The following DPYS variants were observed in gnomAD, a reference collection of about 807,000 sequenced individuals.
DPYS encodes the protein dihydropyrimidine amidohydrolase.
A neutral mutation model predicts 50.3 loss-of-function variants in DPYS; 39 were observed. The observed-to-expected ratio is 0.78, with a 90% CI of 0.60 to 1.01. The LOEUF is 1.01. Ranked by LOEUF, DPYS falls within the 50% of genes least tolerant of loss-of-function variation. The probability of loss-of-function intolerance (pLI) is 0.00; values close to 1 mark genes in which losing one functional copy is unlikely to be tolerated. For synonymous variants in DPYS, 245 were observed against 250.7 expected (o/e 0.98, Z 0.22); for missense variants, 659 against 680.9 (o/e 0.97, Z 0.36).
intron 4 of DPYS, among the ~76,000 whole-genome samples, chr8:104,439,275 C>T (rs1250225926): frequency 2.0e-5 from 3 of 151,880 alleles, no homozygotes; most frequent in East Asian, 3.9e-4. Flanking sequence ...GAGGTCACCA[C>T]CAAAAACTAA....
chr8:104,382,767 T>G (rs111304067), intron 8 of DPYS, among the ~76,000 whole-genome samples: 365 of 152,254 alleles, frequency 2.4e-3, no homozygotes, highest in Non-Finnish European at 3.6e-3. Context: ...AGGGCTTGAC[T>G]TCTCTCTGCT....
chr8:104,447,620 C>T, intron 2 of DPYS, 117 bp from the exon 3 acceptor site: 1 of 1,248,790 alleles, frequency 8.0e-7, no homozygotes, highest in Non-Finnish European at 1.1e-6. Flanking sequence ...AAAATAAGGA[C>T]AATAGTTTAG....
At chr8:104,400,718 G>T (rs956527765) in intron 7 of DPYS, among the ~76,000 whole-genome samples, 3 of 152,202 alleles carry the variant, frequency 2.0e-5, no homozygotes, top group African/African-American at 2.4e-5. Context: ...TATGAAAGAG[G>T]CACATCTTGC....
intron 1 of DPYS, among the ~76,000 whole-genome samples, chr8:104,453,656 T>C (rs1336537578): frequency 2.6e-5 from 4 of 152,288 alleles, no homozygotes; most frequent in South Asian, 2.1e-4. Flanking sequence ...CAGTTAAAGA[T>C]AGAGTTACCA....
At chr8:104,429,199 C>A in intron 5 of DPYS, 1 of 282,054 alleles carries the variant, frequency 3.5e-6, no homozygotes, top group Non-Finnish European at 6.9e-6. Flanking sequence ...AACCTAGTTC[C>A]CATATTATAT....
At chr8:104,425,889 T>C (rs1049197425) in intron 6 of DPYS, among the ~76,000 whole-genome samples, 1 of 152,176 alleles carries the variant, frequency 6.6e-6, no homozygotes, top group African/African-American at 2.4e-5. Flanking sequence ...GAAAGTAATA[T>C]TCCCATAAGT....
intron 8 of DPYS, among the ~76,000 whole-genome samples, chr8:104,392,297 G>A (rs1188558548): frequency 1.3e-5 from 2 of 152,140 alleles, no homozygotes; most frequent in African/African-American, 4.8e-5. Context: ...ACTCCCTGAC[G>A]GCCTTTTTCA....
At chr8:104,445,136 G>A (rs2140709349) in intron 3 of DPYS, among the ~76,000 whole-genome samples, 1 of 152,308 alleles carries the variant, frequency 6.6e-6, no homozygotes, top group East Asian at 1.9e-4. Context: ...AGGATGTGGA[G>A]AAAAGGGAAC....
chr8:104,394,074 G>T (rs1811495784), intron 7 of DPYS, among the ~76,000 whole-genome samples: 1 of 152,156 alleles, frequency 6.6e-6, no homozygotes, highest in African/African-American at 2.4e-5. Context: ...TTCCATTCCT[G>T]AGTTACTTCA....
At chr8:104,444,090 C>T (rs1813446407) in intron 4 of DPYS, among the ~76,000 whole-genome samples, 158 bp downstream of exon 4, 1 of 152,052 alleles carries the variant, frequency 6.6e-6, no homozygotes. Context: ...AACAGACACA[C>T]ATAAGGATAA....
chr8:104,436,329 G>A (rs1013238946), intron 4 of DPYS, among the ~76,000 whole-genome samples: 10 of 152,260 alleles, frequency 6.6e-5, no homozygotes, highest in African/African-American at 1.9e-4. Context: ...TGAAAAATTG[G>A]CCAGGCACAG....
chr8:104,417,310 G>A (rs527992822), intron 7 of DPYS, among the ~76,000 whole-genome samples: 9 of 152,304 alleles, frequency 5.9e-5, no homozygotes, highest in Non-Finnish European at 1.0e-4. Flanking sequence ...GAATACCAAA[G>A]AACTGAAGCT....
At chr8:104,455,511 C>T (rs1027465269) in intron 1 of DPYS, among the ~76,000 whole-genome samples, 3 of 152,098 alleles carry the variant, frequency 2.0e-5, no homozygotes, top group African/African-American at 7.2e-5. Flanking sequence ...TTAGGAGGGA[C>T]GTGAATGAAG....
At chr8:104,393,983 A>G (rs145170011) in intron 7 of DPYS, among the ~76,000 whole-genome samples, 116 of 152,248 alleles carry the variant, frequency 7.6e-4, no homozygotes, top group African/African-American at 2.7e-3. Context: ...TGAGTCCCCA[A>G]AGTCCATGGT....
intron 7 of DPYS, among the ~76,000 whole-genome samples, chr8:104,409,653 T>G (rs1812108711): frequency 6.6e-6 from 1 of 152,192 alleles, no homozygotes. Context: ...TCATTTACTT[T>G]GGTATCTCCC....
At chr8:104,437,198 A>T (rs1377184374) in intron 4 of DPYS, among the ~76,000 whole-genome samples, 1 of 152,198 alleles carries the variant, frequency 6.6e-6, no homozygotes, top group Admixed American at 6.5e-5. Flanking sequence ...CAGTCGTCAG[A>T]TTGATAAAGC....
At chr8:104,450,909 G>T (rs1372095168) in intron 2 of DPYS, among the ~76,000 whole-genome samples, 1 of 152,006 alleles carries the variant, frequency 6.6e-6, no homozygotes, top group African/African-American at 2.4e-5. Context: ...AAAGATTCGG[G>T]GGATATTGAA....
chr8:104,451,717 T>A (rs927838884), intron 1 of DPYS, among the ~76,000 whole-genome samples: 76 of 151,958 alleles, frequency 5.0e-4, no homozygotes, highest in African/African-American at 1.6e-3. Flanking sequence ...GTGGAAAAAA[T>A]GCACATATTT....
chr8:104,386,525 T>C (rs1028887060), intron 8 of DPYS, among the ~76,000 whole-genome samples: 1 of 145,980 alleles, frequency 6.9e-6, no homozygotes, highest in Non-Finnish European at 1.5e-5. Flanking sequence ...TGAGTGAGAC[T>C]CTTAAAAAAA....
Sources: allele counts gnomAD v4.1 joint callset (sites outside exome capture counted in the v4.1 genomes callset), GRCh38; gene constraint gnomAD v4.1.1; transcripts MANE v1.5; gene names NCBI Gene and HGNC (gene_info 2026-07-23, HGNC 2026-07-21).